Variants in DAPK2 observed in about 807,000 individuals in gnomAD.
DAPK2 encodes death associated protein kinase 2, also known as death-associated protein kinase 2.
In DAPK2, 35 loss-of-function variants were observed where a neutral mutation model predicts 44.1. The ratio of observed to expected loss-of-function variants is 0.79; its 90% CI spans 0.61 to 1.05. DAPK2 has a LOEUF of 1.05. Ranked by LOEUF, DAPK2 falls within the 50% of genes least tolerant of loss-of-function variation. The pLI is 0.00. For missense variants in DAPK2, 453 were observed against 483.2 expected, an observed-to-expected ratio of 0.94 and a Z score of 0.59; for synonymous variants, 174 against 182.6, an observed-to-expected ratio of 0.95 and a Z score of 0.38.
intron 4 of DAPK2, among the ~76,000 whole-genome samples, chr15:63,938,153 A>C (rs1187541948): frequency 2.0e-5 from 3 of 152,204 alleles, no homozygotes; most frequent in Non-Finnish European, 4.4e-5. Flanking sequence ...ACTAAATTGT[A>C]AGCTCTTTGA....
intron 5 of DAPK2, chr15:63,929,897 T>C (rs1215208944): frequency 1.9e-6 from 1 of 515,518 alleles, no homozygotes; most frequent in African/African-American, 1.9e-5. Flanking sequence ...TAATGATAAC[T>C]ACCTCACAGG....
At chr15:63,961,989 G>A (rs771081607) in intron 3 of DAPK2, among the ~76,000 whole-genome samples, 5 of 152,126 alleles carry the variant, frequency 3.3e-5, no homozygotes, top group Non-Finnish European at 7.4e-5. Context: ...CTAATCAAAC[G>A]TAGATTTGGT....
At chr15:63,981,442 CT>C (rs1281399696) in intron 2 of DAPK2, among the ~76,000 whole-genome samples, 1 of 152,036 alleles carries the variant, frequency 6.6e-6, no homozygotes, top group African/African-American at 2.4e-5. Context: ...AAGGGAAATA[CT>C]GGTATGCAAT....
Position 63,923,374 on chromosome 15 carries a change from T to C in DAPK2, c.858+1442A>G, listed in dbSNP as rs1328032079. ...GGGTGTTCAGACAGAAGAATCAGAG[T>C]GTTAATTTGCCGCCCACCCCAGAGG... On this transcript the variant is annotated intron_variant, in intron 8 of 10. Transcript: ENST00000261891. This position sits in a 1 kb window ranked among gnomAD's most constrained non-coding sequence, Gnocchi z 4.2. The C allele has an allele frequency of 2.6e-6, 4 of 1,523,748 alleles. No homozygotes were observed. The African/African-American group carries it at 4.1e-5, about 16-fold the overall frequency. 94.4% of individuals were successfully genotyped at this position (1,523,748 alleles called of 1,614,324 possible). A position where few individuals can be genotyped will look rare whatever the true frequency, so the allele number is the denominator to read the frequency against.
chr15:64,013,835 T>C lies in DAPK2; in HGVS notation c.92+26335A>G, dbSNP rs1332051300. Among the ~76,000 whole-genome samples the C allele has an allele frequency of 1.3e-5, 2 of 152,208 alleles. No individual in the cohort carries two copies. The highest frequency in any genetic ancestry group is 4.8e-5 in the African/African-American group (2 of 41,452). ...ACCAGTCCCTGTAAGTGGTCCAGCC[T>C]CACATGAATAAATCATGATGCCATT... is the stretch of plus-strand genomic sequence containing the variant. On this transcript the variant is annotated intron_variant, in intron 1 of 10. Coordinates refer to ENST00000261891, the Ensembl canonical transcript of DAPK2. The surrounding 1 kb of genome is among the most constrained non-coding windows in gnomAD (Gnocchi z 4.7).
chr15:64,016,242 T>C (rs554420023), intron 1 of DAPK2, among the ~76,000 whole-genome samples: 1 of 152,340 alleles, frequency 6.6e-6, no homozygotes, highest in Admixed American at 6.5e-5. Context: ...CTCCAGCACC[T>C]TCCACACCTG....
chr15:64,028,635 C>T (rs74021241), intron 1 of DAPK2, among the ~76,000 whole-genome samples: 4,019 of 152,184 alleles, frequency 0.026, 183 homozygotes, highest in African/African-American at 0.093. Flanking sequence ...TGAAAGAGAA[C>T]GTCCATGTAC....
chr15:64,007,019 T>TTTA (rs2079248864), intron 1 of DAPK2, among the ~76,000 whole-genome samples: 1 of 152,154 alleles, frequency 6.6e-6, no homozygotes, highest in Non-Finnish European at 1.5e-5. Flanking sequence ...AAGGCAGTGG[T>TTTA]GGGCCCACCC....
At chr15:63,934,805 C>T (rs949623338) in intron 4 of DAPK2, among the ~76,000 whole-genome samples, 2 of 152,156 alleles carry the variant, frequency 1.3e-5, no homozygotes, top group Admixed American at 6.5e-5. Context: ...GTGATCTAAC[C>T]GTCTTGGCCT....
chr15:63,942,584 AAAAC>A (rs762184241), intron 3 of DAPK2, among the ~76,000 whole-genome samples: 1 of 151,522 alleles, frequency 6.6e-6, no homozygotes. Flanking sequence ...CAAAAATAAA[AAAAC>A]AAACAAAAAA....
intron 1 of DAPK2, among the ~76,000 whole-genome samples, chr15:64,011,500 G>A (rs2079388905): frequency 6.6e-6 from 1 of 152,198 alleles, no homozygotes; most frequent in South Asian, 2.1e-4. Flanking sequence ...GGCGGAAGCT[G>A]CAGTGAGCCT....
intron 6 of DAPK2, 125 bp downstream of exon 7, chr15:63,929,426 A>G: frequency 7.9e-7 from 1 of 1,269,962 alleles, no homozygotes; most frequent in Non-Finnish European, 1.1e-6. Flanking sequence ...TGCTGTGTGG[A>G]CTTAACACAT....
chr15:63,962,096 C>G (rs2077918645), intron 3 of DAPK2, among the ~76,000 whole-genome samples: 1 of 152,104 alleles, frequency 6.6e-6, no homozygotes, highest in Non-Finnish European at 1.5e-5. Flanking sequence ...TTCATTTGAT[C>G]TTCAATCACT....
intron 1 of DAPK2, among the ~76,000 whole-genome samples, chr15:63,994,739 G>A (rs942003565): frequency 2.4e-4 from 36 of 151,936 alleles, no homozygotes; most frequent in Admixed American, 2.0e-3. Flanking sequence ...ACAGGCATCC[G>A]CCACCATGCC....
intron 4 of DAPK2, among the ~76,000 whole-genome samples, chr15:63,934,072 T>G (rs535034785): frequency 4.6e-5 from 7 of 152,090 alleles, no homozygotes. Context: ...TTTGGTTTTA[T>G]TGTTTTTCCC....
intron 2 of DAPK2, among the ~76,000 whole-genome samples, chr15:63,982,919 G>C (rs777941274): frequency 1.3e-5 from 2 of 152,236 alleles, no homozygotes; most frequent in African/African-American, 2.4e-5. Context: ...GTCTGCACTA[G>C]TAAGACATTT....
At chr15:63,918,453 C>T (rs1247030299) in intron 8 of DAPK2, 2 of 152,320 alleles carry the variant, frequency 1.3e-5, no homozygotes, top group Non-Finnish European at 2.9e-5. Flanking sequence ...TTGCCAGCTT[C>T]CTTGAGAATT....
intron 1 of DAPK2, among the ~76,000 whole-genome samples, chr15:63,988,941 A>G (rs953204110): frequency 1.3e-5 from 2 of 151,714 alleles, no homozygotes; most frequent in African/African-American, 4.8e-5. Context: ...GTGCTTTGGG[A>G]GGCTGAGGCA....
chr15:63,911,324 T>C (rs1050926054), intron 10 of DAPK2: 2 of 152,944 alleles, frequency 1.3e-5, no homozygotes, highest in African/African-American at 4.8e-5. Context: ...TGATGAACTA[T>C]CAGCACAGAG....
Sources: gnomAD v4.1 joint callset for allele counts (sites outside exome capture counted in the v4.1 genomes callset) on GRCh38, gnomAD v4.1.1 for gene constraint, Gnocchi (gnomAD v3.1) non-coding constraint, MANE v1.5 for transcripts, NCBI Gene and HGNC (gene_info 2026-07-23, HGNC 2026-07-21) for gene names.